The following GABRA4 variants were observed in gnomAD, a reference collection of about 807,000 sequenced individuals.
GABRA4 encodes the protein gamma-aminobutyric acid type A receptor subunit alpha4, also known as gamma-aminobutyric acid receptor subunit alpha-4.
GABRA4 carries 12 observed loss-of-function variants against 49.7 expected under a neutral mutation model. The ratio of observed to expected loss-of-function variants is 0.24; its 90% CI spans 0.15 to 0.39. The LOEUF (loss-of-function observed/expected upper bound fraction) is 0.39. Ranked by LOEUF, GABRA4 falls within the 10% of genes least tolerant of loss-of-function variation. The pLI is 1.00. For synonymous variants in GABRA4, 288 were observed against 240.2 expected, an observed-to-expected ratio of 1.20 and a Z score of -1.84; for missense variants, 506 against 686.0, an observed-to-expected ratio of 0.74 and a Z score of 2.93.
chr4:46,973,771 C>A (rs558376037), intron 6 of GABRA4, among the ~76,000 whole-genome samples: 1 of 151,780 alleles, frequency 6.6e-6, no homozygotes, highest in Admixed American at 6.6e-5. Context: ...TTAATGTATA[C>A]CCATAATATA....
chr4:46,934,393 G>T (rs138310218), intron 8 of GABRA4, among the ~76,000 whole-genome samples: 1 of 152,074 alleles, frequency 6.6e-6, no homozygotes, highest in Non-Finnish European at 1.5e-5. Context: ...TTTTTAGAAC[G>T]TGCTACACGT....
chr4:46,975,119 C>T (rs1320882758), intron 5 of GABRA4, among the ~76,000 whole-genome samples: 1 of 151,954 alleles, frequency 6.6e-6, no homozygotes, highest in Non-Finnish European at 1.5e-5. Flanking sequence ...GCTTACCAGT[C>T]TACCCATAAC....
At position 46,927,904 on chromosome 4, in the gene GABRA4, A is replaced by C. The variant is rs1721283934; in HGVS notation, c.*321T>G. ...ATAGGGCAGATTTTTAAAATGTCAT[A>C]GTCTGTTTTCAAATATCAATGAAAA... is the stretch of plus-strand genomic sequence containing the variant. On this transcript the variant is annotated 3_prime_UTR_variant, in exon 9 of 9. Coordinates refer to ENST00000264318, the MANE Select transcript of GABRA4 (RefSeq NM_000809.4). The C allele has an allele frequency of 9.7e-6, 2 of 205,262 alleles. No homozygotes were observed. Among genetic ancestry groups the C allele is most frequent in the Admixed American group, 1.1e-4 (2 of 18,604 alleles). 12.7% of individuals were successfully genotyped at this position (205,262 alleles called of 1,614,324 possible). A position where few individuals can be genotyped will look rare whatever the true frequency, so the allele number is the denominator to read the frequency against.
chr4:46,923,126 G>C lies in GABRA4; in HGVS notation c.*5099C>G, dbSNP rs1298118373. On this transcript the variant is annotated 3_prime_UTR_variant, in exon 9 of 9. Coordinates refer to ENST00000264318, the MANE Select transcript of GABRA4 (RefSeq NM_000809.4). ...CCCGTGCCTGTTGCCAAAACAGTTG[G>C]GGACTATTGTATAGAGACAAAAGGG... 6.6e-6 allele frequency: 1 copy of C among 151,960 alleles called. No homozygotes were observed. The highest frequency in any genetic ancestry group is 1.5e-5 in the Non-Finnish European group (1 of 67,998). 9.4% of individuals were successfully genotyped at this position (151,960 alleles called of 1,614,324 possible).
rs1165686698 is a variant in GABRA4, at chr4:46,921,306, A to G, written c.*6919T>C. 6.6e-6 allele frequency: 1 copy of G among 151,940 alleles called. No individual in the cohort carries two copies. Among genetic ancestry groups the G allele is most frequent in the Admixed American group, 6.6e-5 (1 of 15,236 alleles). The allele number at this position is 151,940 out of a possible 1,614,324, so 9.4% of individuals were successfully genotyped here. On this transcript the variant is annotated 3_prime_UTR_variant, in exon 9 of 9. Transcript: ENST00000264318. The stretch of plus-strand genomic sequence containing the variant: ...CTACTGATGAATTGAAGGACAGGAA[A>G]ATATAAACAGTGTAATAAATTAACA...
intron 7 of GABRA4, among the ~76,000 whole-genome samples, chr4:46,968,398 T>C (rs982495844): frequency 1.3e-5 from 2 of 150,722 alleles, no homozygotes; most frequent in African/African-American, 4.9e-5. Flanking sequence ...CCACAAAGCA[T>C]CTTTAGCACA....
intron 2 of GABRA4, among the ~76,000 whole-genome samples, chr4:46,988,094 C>T (rs573367290): frequency 2.0e-5 from 3 of 152,136 alleles, no homozygotes; most frequent in African/African-American, 7.2e-5. Flanking sequence ...TTTGTTCTCT[C>T]TGAGAATTAC....
intron 7 of GABRA4, among the ~76,000 whole-genome samples, chr4:46,966,323 G>A (rs143099433): frequency 5.9e-5 from 9 of 151,810 alleles, no homozygotes; most frequent in Non-Finnish European, 1.5e-5. Flanking sequence ...GATGTTGAAG[G>A]CATTTAAACT....
chr4:46,984,301 C>T (rs1350878950), intron 2 of GABRA4, among the ~76,000 whole-genome samples: 1 of 151,972 alleles, frequency 6.6e-6, no homozygotes, highest in Non-Finnish European at 1.5e-5. Context: ...TACATATCTC[C>T]AAAAATGAAG....
intron 8 of GABRA4, among the ~76,000 whole-genome samples, chr4:46,962,321 A>G (rs1030012720): frequency 6.6e-6 from 1 of 151,894 alleles, no homozygotes; most frequent in Non-Finnish European, 1.5e-5. Context: ...ATAGTTAACA[A>G]TCTGAAAAAG....
At chr4:46,983,003 G>T (rs112901610) in intron 2 of GABRA4, among the ~76,000 whole-genome samples, 1 of 152,022 alleles carries the variant, frequency 6.6e-6, no homozygotes, top group Non-Finnish European at 1.5e-5. Flanking sequence ...GTGCCAGGTA[G>T]GCTATTAGGT....
intron 2 of GABRA4, among the ~76,000 whole-genome samples, chr4:46,990,248 T>A (rs187045184): frequency 7.5e-4 from 114 of 152,292 alleles, no homozygotes; most frequent in African/African-American, 2.6e-3. Flanking sequence ...TGTTTTCAGG[T>A]GGGTAATGCA....
intron 8 of GABRA4, among the ~76,000 whole-genome samples, chr4:46,934,901 T>C (rs540778220): frequency 4.6e-5 from 7 of 152,294 alleles, no homozygotes; most frequent in Admixed American, 3.3e-4. Context: ...AAATGCTACC[T>C]GAAATCATGC....
intron 8 of GABRA4, among the ~76,000 whole-genome samples, chr4:46,941,343 T>C (rs995231632): frequency 6.6e-6 from 1 of 152,134 alleles, no homozygotes; most frequent in South Asian, 2.1e-4. Context: ...CTTTGCTAGA[T>C]ACTAGCTTGA....
At chr4:46,930,160 C>T (rs1324129418) in intron 8 of GABRA4, among the ~76,000 whole-genome samples, 1 of 152,014 alleles carries the variant, frequency 6.6e-6, no homozygotes, top group Non-Finnish European at 1.5e-5. Context: ...GTCATGTCAG[C>T]TTGTAGTATT....
At chr4:46,957,738 T>G (rs2109365366) in intron 8 of GABRA4, among the ~76,000 whole-genome samples, 1 of 152,058 alleles carries the variant, frequency 6.6e-6, no homozygotes, top group Admixed American at 6.6e-5. Context: ...TCTTGAAGCT[T>G]AAAAGCATGA....
At chr4:46,972,712 T>A (rs1273093168) in intron 6 of GABRA4, among the ~76,000 whole-genome samples, 1 of 151,678 alleles carries the variant, frequency 6.6e-6, no homozygotes, top group Non-Finnish European at 1.5e-5. Context: ...TTATTCACCT[T>A]ACAGAACAGA....
chr4:46,982,529 G>A (rs1186409007), intron 2 of GABRA4, among the ~76,000 whole-genome samples: 2 of 151,998 alleles, frequency 1.3e-5, no homozygotes, highest in Non-Finnish European at 2.9e-5. Flanking sequence ...TATTGTTTAA[G>A]CCACACAGTC....
intron 1 of GABRA4, 149 bp downstream of exon 1, chr4:46,993,190 C>T: frequency 1.3e-6 from 1 of 764,554 alleles, no homozygotes; most frequent in Non-Finnish European, 2.2e-6. Flanking sequence ...TCTATGCGGT[C>T]ACAGAAAAGC....
Sources: gnomAD v4.1 joint callset for allele counts (sites outside exome capture counted in the v4.1 genomes callset) on GRCh38, gnomAD v4.1.1 for gene constraint, MANE v1.5 for transcripts, NCBI Gene and HGNC (gene_info 2026-07-23, HGNC 2026-07-21) for gene names.